IL1RAPL2: variants seen among roughly 807,000 people sequenced by gnomAD.
The protein encoded by IL1RAPL2 is interleukin 1 receptor accessory protein like 2.
Under a neutral mutation model 44.1 loss-of-function variants are expected in IL1RAPL2, and 3 were observed. The observed-to-expected ratio is 0.07, with a 90% confidence interval of 0.03 to 0.18. The LOEUF is 0.18. Ranked by LOEUF, IL1RAPL2 falls within the 10% of genes least tolerant of loss-of-function variation. The pLI is 1.00. For missense variants in IL1RAPL2, 391 were observed against 496.4 expected (o/e 0.79, Z 2.02); for synonymous variants, 181 against 178.8 (o/e 1.01, Z -0.10).
intron 2 of IL1RAPL2, among the ~76,000 whole-genome samples, chrX:104,659,320 TA>T (rs758054726): frequency 8.9e-6 from 1 of 111,851 alleles, no homozygotes; most frequent in Non-Finnish European, 1.9e-5. Flanking sequence ...AAGAAACCTT[TA>T]AAAATATACA....
intron 5 of IL1RAPL2, among the ~76,000 whole-genome samples, chrX:105,278,983 T>A (rs759388167): frequency 9.0e-6 from 1 of 111,494 alleles, no homozygotes; most frequent in South Asian, 3.8e-4. Flanking sequence ...CATCTTATAA[T>A]CGCCTATTTT....
intron 2 of IL1RAPL2, among the ~76,000 whole-genome samples, chrX:104,708,894 C>A (rs748799127): frequency 9.0e-6 from 1 of 110,704 alleles, no homozygotes; most frequent in South Asian, 3.8e-4. Flanking sequence ...TTGGTAGGTG[C>A]TTGGGGAATA....
intron 2 of IL1RAPL2, among the ~76,000 whole-genome samples, chrX:104,667,046 C>G (rs1403554445): frequency 9.0e-6 from 1 of 110,919 alleles, no homozygotes; most frequent in Non-Finnish European, 1.9e-5. Context: ...GACCTTCCCC[C>G]AGGCTAAGAA....
At chrX:104,913,666 T>A (rs1362668807) in intron 2 of IL1RAPL2, among the ~76,000 whole-genome samples, 1 of 112,179 alleles carries the variant, frequency 8.9e-6, no homozygotes, top group Non-Finnish European at 1.9e-5. Context: ...GATGAGGCAG[T>A]TCAGCTAAGC....
At chrX:104,863,254 GAA>G (rs1922536197) in intron 2 of IL1RAPL2, among the ~76,000 whole-genome samples, 1 of 111,477 alleles carries the variant, frequency 9.0e-6, no homozygotes, top group South Asian at 3.8e-4. Context: ...TAGAGAGGGA[GAA>G]AGACACTAAA....
chrX:105,411,664 T>C (rs1244103688), intron 5 of IL1RAPL2, among the ~76,000 whole-genome samples: 2 of 111,026 alleles, frequency 1.8e-5, no homozygotes, highest in African/African-American at 6.5e-5. Context: ...CCCAAATACG[T>C]AAAGAAAATA....
intron 2 of IL1RAPL2, among the ~76,000 whole-genome samples, chrX:104,971,434 A>G (rs1164340454): frequency 8.9e-6 from 1 of 111,749 alleles, no homozygotes; most frequent in African/African-American, 3.3e-5. Flanking sequence ...TCAACCTGAT[A>G]TAGTTGGGAT....
At chrX:105,067,096 G>A (rs1028712076) in intron 2 of IL1RAPL2, among the ~76,000 whole-genome samples, 1 of 112,066 alleles carries the variant, frequency 8.9e-6, no homozygotes, top group Non-Finnish European at 1.9e-5. Context: ...GTTCCGCTGA[G>A]TAAGACCTAC....
At chrX:104,671,649 T>G (rs990044684) in intron 2 of IL1RAPL2, among the ~76,000 whole-genome samples, 1 of 111,966 alleles carries the variant, frequency 8.9e-6, no homozygotes, top group African/African-American at 3.3e-5. Flanking sequence ...AAAAATTGTT[T>G]CCTCGATTCT....
chrX:105,654,649 G>A (rs113076626), intron 6 of IL1RAPL2, among the ~76,000 whole-genome samples: 1,874 of 111,514 alleles, frequency 0.017, 49 homozygotes, highest in African/African-American at 0.058. Flanking sequence ...TTGTGTGCCA[G>A]TATCTATTAC....
intron 5 of IL1RAPL2, among the ~76,000 whole-genome samples, chrX:105,474,837 A>G (rs1193649021): frequency 9.1e-6 from 1 of 109,937 alleles, no homozygotes; most frequent in Non-Finnish European, 1.9e-5. Flanking sequence ...GCTTATATGG[A>G]GATATTTTGG....
chrX:104,596,041 T>C (rs984338524), intron 1 of IL1RAPL2, among the ~76,000 whole-genome samples: 7 of 111,240 alleles, frequency 6.3e-5, no homozygotes, highest in African/African-American at 2.3e-4. Flanking sequence ...AGAAAACTGC[T>C]TAAACATGCA....
At chrX:104,984,408 G>A (rs1332828273) in intron 2 of IL1RAPL2, among the ~76,000 whole-genome samples, 1 of 111,802 alleles carries the variant, frequency 8.9e-6, no homozygotes, top group African/African-American at 3.3e-5. Flanking sequence ...TAGATGCCAT[G>A]TGAGGAGGCC....
At chrX:104,732,638 T>C (rs1931941420) in intron 2 of IL1RAPL2, among the ~76,000 whole-genome samples, 1 of 111,534 alleles carries the variant, frequency 9.0e-6, no homozygotes, top group South Asian at 3.7e-4. Context: ...TAGTCAAAAA[T>C]CTACATACAA....
At chrX:105,542,810 T>G (rs1350132304) in intron 6 of IL1RAPL2, among the ~76,000 whole-genome samples, 1 of 105,475 alleles carries the variant, frequency 9.5e-6, no homozygotes, top group African/African-American at 3.4e-5. Context: ...CTCGGCTCAC[T>G]GCAAGCTCCG....
At chrX:105,743,865 G>A (rs1412306146) in intron 8 of IL1RAPL2, among the ~76,000 whole-genome samples, 1 of 112,302 alleles carries the variant, frequency 8.9e-6, no homozygotes, top group East Asian at 2.8e-4. Context: ...CATGACTAAT[G>A]TCTTCCCTGA....
At chrX:104,742,074 A>T (rs1041700679) in intron 2 of IL1RAPL2, among the ~76,000 whole-genome samples, 1 of 111,359 alleles carries the variant, frequency 9.0e-6, no homozygotes, top group African/African-American at 3.3e-5. Flanking sequence ...AGAAAAAGCA[A>T]TTTAGTGACC....
chrX:104,754,196 C>T (rs1932307619), intron 2 of IL1RAPL2, among the ~76,000 whole-genome samples: 1 of 110,967 alleles, frequency 9.0e-6, no homozygotes, highest in Non-Finnish European at 1.9e-5. Context: ...CCAATGTTTC[C>T]AAGGAGCCAG....
At chrX:105,518,729 G>A (rs1444690072) in intron 6 of IL1RAPL2, among the ~76,000 whole-genome samples, 2 of 111,866 alleles carry the variant, frequency 1.8e-5, no homozygotes, top group Non-Finnish European at 3.8e-5. Context: ...GCATTTCTCA[G>A]CTTCCAGGTT....
Sources: allele counts gnomAD v4.1 joint callset (sites outside exome capture counted in the v4.1 genomes callset), GRCh38; gene constraint gnomAD v4.1.1; transcripts MANE v1.5; gene names NCBI Gene and HGNC (gene_info 2026-07-23, HGNC 2026-07-21).